The following TMCO4 variants were observed in gnomAD, a reference collection of about 807,000 sequenced individuals.
The protein encoded by TMCO4 is transmembrane and coiled-coil domains 4.
In TMCO4, 58 loss-of-function variants were observed where a neutral mutation model predicts 64.7. The ratio of observed to expected loss-of-function variants is 0.90; its 90% confidence interval spans 0.73 to 1.12. The LOEUF (loss-of-function observed/expected upper bound fraction) is 1.12, where lower values mean the gene tolerates loss of function less well. TMCO4 is among the 50% of genes most tolerant of loss of function. TMCO4 has a pLI of 0.00. For missense variants in TMCO4, 780 were observed against 825.9 expected (o/e 0.94, Z 0.68); for synonymous variants, 325 against 346.1 (o/e 0.94, Z 0.68).
chr1:19,720,922 G>A (rs949568707), intron 13 of TMCO4, among the ~76,000 whole-genome samples: 4 of 151,998 alleles, frequency 2.6e-5, no homozygotes, highest in African/African-American at 9.7e-5. Flanking sequence ...ATGCAGGCTT[G>A]ATGATCAGGG....
At chr1:19,698,968 G>A (rs867084768) in intron 14 of TMCO4, among the ~76,000 whole-genome samples, 5 of 152,152 alleles carry the variant, frequency 3.3e-5, no homozygotes, top group East Asian at 1.9e-4. Flanking sequence ...AGGCTGAGAC[G>A]GGTGGATCAC....
chr1:19,690,043 G>A (rs1319071716), intron 15 of TMCO4, among the ~76,000 whole-genome samples: 3 of 152,214 alleles, frequency 2.0e-5, no homozygotes, highest in Admixed American at 2.0e-4. Flanking sequence ...CCCCTATTCT[G>A]AGCCCATAAA....
rs562880235 is a variant in TMCO4, at chr1:19,705,429, C to T, written c.1265-4544G>A. Reference sequence around the variant, plus strand: ...TGGTACCACTGCACTCCAGCCTGGGCGACAGAGACAGACTCCATCTCAAAA... The same window carrying T: ...TGGTACCACTGCACTCCAGCCTGGGTGACAGAGACAGACTCCATCTCAAAA... On this transcript the variant is annotated intron_variant, in intron 13 of 15. Coordinates refer to ENST00000294543, the MANE Select transcript of TMCO4 (RefSeq NM_181719.7). Among the ~76,000 whole-genome samples, 10 of 150,298 alleles carry T rather than the reference C, an allele frequency of 6.7e-5. No individual in the cohort carries two copies. In the South Asian group the frequency reaches 1.7e-3, roughly 25 times the overall value.
At chr1:19,767,908 A>G (rs1402600576) in intron 6 of TMCO4, among the ~76,000 whole-genome samples, 1 of 152,118 alleles carries the variant, frequency 6.6e-6, no homozygotes, top group African/African-American at 2.4e-5. Flanking sequence ...CCTGGCCGAC[A>G]TGGTGAAACC....
chr1:19,697,125 G>T (rs910830309), intron 14 of TMCO4, among the ~76,000 whole-genome samples: 6 of 152,204 alleles, frequency 3.9e-5, no homozygotes, highest in Non-Finnish European at 8.8e-5. Flanking sequence ...TGTGCTGGAC[G>T]TGTGTGTGCT....
At chr1:19,744,672 G>T (rs530170484) in intron 10 of TMCO4, among the ~76,000 whole-genome samples, 2 of 152,068 alleles carry the variant, frequency 1.3e-5, no homozygotes, top group African/African-American at 2.4e-5. Context: ...CTTTCAAACC[G>T]CTGGGCCTTT....
chr1:19,689,685 G>A (rs150006798), intron 15 of TMCO4, among the ~76,000 whole-genome samples: 1 of 152,376 alleles, frequency 6.6e-6, no homozygotes, highest in African/African-American at 2.4e-5. Context: ...GGGCTTTGCA[G>A]CATTAAAAGC....
chr1:19,723,504 G>C (rs140766301), intron 13 of TMCO4, among the ~76,000 whole-genome samples: 98 of 152,262 alleles, frequency 6.4e-4, no homozygotes, highest in Middle Eastern at 3.4e-3. Flanking sequence ...TGAAGTGATG[G>C]GTGCCCCAGT....
At chr1:19,798,961 T>G (rs1231456717) in intron 1 of TMCO4, among the ~76,000 whole-genome samples, 2 of 152,268 alleles carry the variant, frequency 1.3e-5, no homozygotes, top group East Asian at 3.8e-4. Context: ...ATGTGCTGAC[T>G]CCTACTTCGA....
chr1:19,700,502 C>G (rs2095264737), intron 14 of TMCO4, among the ~76,000 whole-genome samples: 1 of 152,086 alleles, frequency 6.6e-6, no homozygotes, highest in African/African-American at 2.4e-5. Flanking sequence ...GCCCCAGCCT[C>G]TCCTGTCATC....
intron 6 of TMCO4, among the ~76,000 whole-genome samples, chr1:19,759,603 G>A (rs552074013): frequency 1.3e-5 from 2 of 152,202 alleles, no homozygotes; most frequent in Non-Finnish European, 2.9e-5. Flanking sequence ...CTGCCTCGGG[G>A]CCTTTGCACT....
At position 19,743,840 on chromosome 1, in the gene TMCO4, AGGG is replaced by A. The variant is rs2041643568; in HGVS notation, c.877+1689_877+1691del. ...GCCAGGGTTCCTCTTCCAACAGATC[AGGG>A]TCAGAACAGCCCCACCTTGGAGGGT... On this transcript the variant is annotated intron_variant, in intron 10 of 15. Coordinates refer to ENST00000294543, the MANE Select transcript of TMCO4 (RefSeq NM_181719.7). The surrounding 1 kb of genome is among the most constrained non-coding windows in gnomAD (Gnocchi z 4.1). 6.6e-6 allele frequency among the ~76,000 whole-genome samples: 1 copy of A among 152,202 alleles called. No individual in the cohort carries two copies. The highest frequency in any genetic ancestry group is 1.5e-5 in the Non-Finnish European group (1 of 68,036).
chr1:19,683,471 C>T (rs766144653), intron 15 of TMCO4, 27 bp from the exon 16 acceptor site: 49 of 1,609,474 alleles, frequency 3.0e-5, no homozygotes, highest in Non-Finnish European at 4.0e-5. Flanking sequence ...GTGAGCACCA[C>T]CGTGGGTGTG....
chr1:19,784,174 GATCAGGGAAGGGTAAGCT>G, intron 3 of TMCO4, among the ~76,000 whole-genome samples: 1 of 152,178 alleles, frequency 6.6e-6, no homozygotes, highest in African/African-American at 2.4e-5. Context: ...ACAGCTTTCT[GATCAGGGAAGGGTAAGCT>G]GGCCTGCTTC....
intron 13 of TMCO4, among the ~76,000 whole-genome samples, chr1:19,716,266 C>A (rs2095355702): frequency 6.6e-6 from 1 of 150,714 alleles, no homozygotes; most frequent in Admixed American, 6.6e-5. Context: ...CTCACTGCAA[C>A]CTCTGCCTCC....
intron 4 of TMCO4, among the ~76,000 whole-genome samples, chr1:19,777,009 A>ATG (rs2043236175): frequency 6.8e-6 from 1 of 146,684 alleles, no homozygotes; most frequent in African/African-American, 2.6e-5. Flanking sequence ...CCTGGGCCAC[A>ATG]GAACGAGACA....
In TMCO4 at chr1:19,682,603, A is replaced by C. The variant is rs1161999164; in HGVS notation, c.*437T>G. On this transcript the variant is annotated 3_prime_UTR_variant, in exon 16 of 16. Coordinates refer to ENST00000294543, the MANE Select transcript of TMCO4 (RefSeq NM_181719.7). Reference sequence around the variant, plus strand: ...GCTGGTGGGCAGCCCTGGAGTGTGGATGGAAGAACAGGCATGCACCTGGTT... The same window carrying C: ...GCTGGTGGGCAGCCCTGGAGTGTGGCTGGAAGAACAGGCATGCACCTGGTT... 1.4e-6 allele frequency: 1 copy of C among 717,318 alleles called. No individual in the cohort carries two copies. The highest frequency in any genetic ancestry group is 1.7e-5 in the African/African-American group (1 of 57,260). 44.4% of individuals were successfully genotyped at this position (717,318 alleles called of 1,614,324 possible).
chr1:19,745,524 G>A lies in TMCO4; in HGVS notation c.877+8C>T. ...CCCCCCTCCACTTCTGGTCCTCCTG[G>A]TCCTCACGGTATTTGCCAGAAGCGA... On this transcript the variant is annotated splice_region_variant and intron_variant, in intron 10 of 15. Coordinates refer to ENST00000294543, the MANE Select transcript of TMCO4 (RefSeq NM_181719.7). 6.2e-7 allele frequency: 1 copy of A among 1,614,064 alleles called. No homozygotes were observed. The highest frequency in any genetic ancestry group is 8.5e-7 in the Non-Finnish European group (1 of 1,180,004).
chr1:19,711,408 A>T (rs2095330230), intron 13 of TMCO4, among the ~76,000 whole-genome samples: 1 of 152,246 alleles, frequency 6.6e-6, no homozygotes, highest in Non-Finnish European at 1.5e-5. Context: ...TACTCAGCTT[A>T]ATCATTTCTA....
Sources: gnomAD v4.1 joint callset for allele counts (sites outside exome capture counted in the v4.1 genomes callset) on GRCh38, gnomAD v4.1.1 for gene constraint, Gnocchi (gnomAD v3.1) non-coding constraint, MANE v1.5 for transcripts, NCBI Gene and HGNC (gene_info 2026-07-23, HGNC 2026-07-21) for gene names.